The following SLC41A3 variants were observed in gnomAD, a reference collection of about 807,000 sequenced individuals.
SLC41A3 encodes SLC41A1-like 2.
In SLC41A3, 44 loss-of-function variants were observed where a neutral mutation model predicts 45.4. That is an observed-to-expected ratio of 0.97 (90% CI 0.76 to 1.25). The LOEUF (loss-of-function observed/expected upper bound fraction) is 1.25. SLC41A3 is among the 50% of genes most tolerant of loss of function. The probability of loss-of-function intolerance (pLI) is 0.00; values close to 1 mark genes in which losing one functional copy is unlikely to be tolerated. For synonymous variants in SLC41A3, 256 were observed against 252.4 expected, an observed-to-expected ratio of 1.01 and a Z score of -0.13; for missense variants, 550 against 600.6, an observed-to-expected ratio of 0.92 and a Z score of 0.88.
At chr3:126,100,150 G>A (rs886256287) in intron 1 of SLC41A3, among the ~76,000 whole-genome samples, 2 of 152,074 alleles carry the variant, frequency 1.3e-5, no homozygotes, top group Non-Finnish European at 2.9e-5. Flanking sequence ...ACATACTCCC[G>A]TATTCTCCCC....
At position 126,006,685 on chromosome 3, in the gene SLC41A3, T is replaced by C; in HGVS notation, c.*331A>G. The C allele has an allele frequency of 1.4e-6, 2 of 1,469,336 alleles. No individual in the cohort carries two copies. Among genetic ancestry groups the C allele is most frequent in the Non-Finnish European group, 1.8e-6 (2 of 1,113,012 alleles). 91.0% of individuals were successfully genotyped at this position (1,469,336 alleles called of 1,614,324 possible). ...GGCATGGAAAAGAGCAAACACACCC[T>C]GCAAAGCATACTGGACATGCCTCTT... On this transcript the variant is annotated 3_prime_UTR_variant, in exon 11 of 11. Transcript: ENST00000360370.
chr3:126,081,912 C>G (rs1945173797), intron 1 of SLC41A3, among the ~76,000 whole-genome samples: 2 of 152,268 alleles, frequency 1.3e-5, no homozygotes, highest in South Asian at 4.1e-4. Context: ...TGGCGCAGCC[C>G]TGATCCGTGA....
chr3:126,060,377 C>A (rs1394614504), intron 2 of SLC41A3, among the ~76,000 whole-genome samples: 2 of 151,052 alleles, frequency 1.3e-5, no homozygotes, highest in South Asian at 2.1e-4. Context: ...TGAGATCATG[C>A]CATTGCACTC....
chr3:126,071,255 CTATTAATAA>C (rs746927810), intron 1 of SLC41A3, among the ~76,000 whole-genome samples: 3 of 152,080 alleles, frequency 2.0e-5, no homozygotes, highest in Non-Finnish European at 2.9e-5. Context: ...GGCTTTAATA[CTATTAATAA>C]TATCAGGCAA....
chr3:126,019,465 T>A (rs1014413441), intron 6 of SLC41A3, among the ~76,000 whole-genome samples: 7 of 152,074 alleles, frequency 4.6e-5, no homozygotes, highest in Admixed American at 1.3e-4. Context: ...ATACATTCAT[T>A]CCATCCCCAT....
intron 3 of SLC41A3, among the ~76,000 whole-genome samples, chr3:126,037,444 G>A (rs919126280): frequency 1.3e-5 from 2 of 152,144 alleles, no homozygotes; most frequent in Non-Finnish European, 2.9e-5. Flanking sequence ...GGTCTCAGGT[G>A]GAAATGACAA....
intron 2 of SLC41A3, among the ~76,000 whole-genome samples, chr3:126,058,694 TCACA>T (rs1486683153): frequency 6.6e-6 from 1 of 152,244 alleles, no homozygotes; most frequent in Admixed American, 6.5e-5. Context: ...TGGCCCTTGC[TCACA>T]CAGTGTGTGG....
intron 4 of SLC41A3, among the ~76,000 whole-genome samples, chr3:126,028,668 C>T (rs771705074): frequency 1.1e-4 from 16 of 152,252 alleles, no homozygotes; most frequent in Non-Finnish European, 2.1e-4. Flanking sequence ...CCTCCAGACC[C>T]CAGAATGGTA....
chr3:126,029,050 C>A (rs184543204), intron 4 of SLC41A3, among the ~76,000 whole-genome samples: 114 of 152,310 alleles, frequency 7.5e-4, no homozygotes, highest in Middle Eastern at 3.4e-3. Flanking sequence ...AAGGCACTTG[C>A]CTTGTCTCAG....
intron 8 of SLC41A3, among the ~76,000 whole-genome samples, chr3:126,014,040 T>C (rs1016497808): frequency 6.6e-6 from 1 of 152,104 alleles, no homozygotes; most frequent in Non-Finnish European, 1.5e-5. Flanking sequence ...TGCTGAGCAT[T>C]CCTTCTGTGG....
At chr3:126,067,741 A>G (rs1576348603) in intron 2 of SLC41A3, among the ~76,000 whole-genome samples, 1 of 152,168 alleles carries the variant, frequency 6.6e-6, no homozygotes, top group Non-Finnish European at 1.5e-5. Flanking sequence ...ATGGGCTAAT[A>G]AATTGTCTAC....
chr3:126,048,280 T>C (rs895286563), intron 3 of SLC41A3, among the ~76,000 whole-genome samples: 6 of 152,244 alleles, frequency 3.9e-5, no homozygotes, highest in African/African-American at 1.4e-4. Flanking sequence ...TTTATTTGTA[T>C]AGGTTTTGCC....
chr3:126,007,012 C>T lies in SLC41A3; in HGVS notation c.*4G>A. On this transcript the variant is annotated 3_prime_UTR_variant, in exon 11 of 11. Coordinates refer to ENST00000360370, the MANE Select transcript of SLC41A3 (RefSeq NM_017836.4). ...AATGAGCAAATGGGACCAGCGGGGC[C>T]CAGTTAGGGAGGTCCAGATGCCAGT... 2 of 1,614,056 alleles carry T rather than the reference C, an allele frequency of 1.2e-6. No individual in the cohort carries two copies. The highest frequency in any genetic ancestry group is 1.7e-6 in the Non-Finnish European group (2 of 1,179,980).
intron 1 of SLC41A3, among the ~76,000 whole-genome samples, chr3:126,076,685 A>T (rs1340171976): frequency 2.0e-5 from 3 of 152,158 alleles, no homozygotes; most frequent in Non-Finnish European, 4.4e-5. Context: ...ATAACAACTC[A>T]TTCCTCCCCA....
intron 1 of SLC41A3, among the ~76,000 whole-genome samples, chr3:126,101,178 G>A (rs1167483624): frequency 2.6e-5 from 4 of 152,214 alleles, no homozygotes; most frequent in African/African-American, 4.8e-5. Context: ...CAGCCAGCCC[G>A]GGGAGGGAAA....
Position 126,068,239 on chromosome 3 carries a change from T to G in SLC41A3, c.-20A>C. 2.7e-6 allele frequency: 4 copies of G among 1,500,460 alleles called. No homozygotes were observed. The African/African-American group carries it at 4.2e-5, about 16-fold the overall frequency. The allele number at this position is 1,500,460 out of a possible 1,614,324, so 92.9% of individuals were successfully genotyped here. A position where few individuals can be genotyped will look rare whatever the true frequency, so the allele number is the denominator to read the frequency against. On this transcript the variant is annotated 5_prime_UTR_variant, in exon 2 of 11. Coordinates refer to ENST00000360370, the MANE Select transcript of SLC41A3 (RefSeq NM_017836.4). ...ATCCATCTGGGCACAGCTGGGCGCC[T>G]GGCAGCCCTACAGTGGGAGACACAA...
chr3:126,089,029 A>G (rs754898566), upstream of SLC41A3, among the ~76,000 whole-genome samples: 1 of 152,196 alleles, frequency 6.6e-6, no homozygotes, highest in Non-Finnish European at 1.5e-5. Context: ...TCTGTATAAA[A>G]TACCAAGTGA....
intron 1 of SLC41A3, among the ~76,000 whole-genome samples, chr3:126,093,568 G>T (rs1299715598): frequency 3.9e-4 from 56 of 143,726 alleles, no homozygotes; most frequent in South Asian, 9.0e-4. Flanking sequence ...TGCCATCAGG[G>T]ACAATAGGAT....
At chr3:126,016,677 G>A in intron 7 of SLC41A3, 54 bp downstream of exon 7, 1 of 1,561,938 alleles carries the variant, frequency 6.4e-7, no homozygotes, top group Non-Finnish European at 8.6e-7. Flanking sequence ...CTGGTTCTAG[G>A]GGCCTTCATG....
Sources: allele counts gnomAD v4.1 joint callset (sites outside exome capture counted in the v4.1 genomes callset), GRCh38; gene constraint gnomAD v4.1.1; transcripts MANE v1.5; gene names NCBI Gene and HGNC (gene_info 2026-07-23, HGNC 2026-07-21).